CALM3: variants seen among roughly 807,000 people sequenced by gnomAD.
The protein encoded by CALM3 is calmodulin-3.
A neutral mutation model predicts 20.1 loss-of-function variants in CALM3; 5 were observed. The ratio of observed to expected loss-of-function variants is 0.25; its 90% CI spans 0.13 to 0.52. CALM3 has a LOEUF of 0.52. Among genes scored for constraint, CALM3 ranks in the 20% least tolerant of loss-of-function variants. The pLI is 0.96. For synonymous variants in CALM3, 69 were observed against 68.1 expected, an observed-to-expected ratio of 1.01 and a Z score of -0.06; for missense variants, 57 against 192.8, an observed-to-expected ratio of 0.30 and a Z score of 4.17.
At chr19:46,604,553 T>G (rs1284239503) in intron 1 of CALM3, among the ~76,000 whole-genome samples, 4 of 151,488 alleles carry the variant, frequency 2.6e-5, no homozygotes, top group Non-Finnish European at 5.9e-5. Flanking sequence ...TTAGGTTTTT[T>G]TTTTTTTTTT....
intron 2 of CALM3, among the ~76,000 whole-genome samples, chr19:46,607,366 G>A (rs1028939468): frequency 9.9e-5 from 15 of 152,258 alleles, no homozygotes; most frequent in Admixed American, 7.2e-4. Flanking sequence ...CCTCACCCCA[G>A]CCCACACCCT....
At position 46,601,347 on chromosome 19, in the gene CALM3, G is replaced by C. The variant is rs1369789952; in HGVS notation, c.-88G>C. 3 of 1,389,886 alleles carry C rather than the reference G, an allele frequency of 2.2e-6. No individual in the cohort carries two copies. The highest frequency in any genetic ancestry group is 1.3e-5 in the South Asian group (1 of 76,700). 86.1% of individuals were successfully genotyped at this position (1,389,886 alleles called of 1,614,324 possible). A position where few individuals can be genotyped will look rare whatever the true frequency, so the allele number is the denominator to read the frequency against. Reference sequence around the variant, plus strand: ...CTGCGGGCAGTGAGTGTGGAGGCGCGGACGCGCGGCGGAGCTGGAACTGCT... The same window carrying C: ...CTGCGGGCAGTGAGTGTGGAGGCGCCGACGCGCGGCGGAGCTGGAACTGCT... On this transcript the variant is annotated 5_prime_UTR_variant, in exon 1 of 6. Coordinates refer to ENST00000291295, the MANE Select transcript of CALM3 (RefSeq NM_005184.4). This position sits in a 1 kb window ranked among gnomAD's most constrained non-coding sequence, Gnocchi z 4.2.
chr19:46,601,178 T>C (rs1300289032), upstream of CALM3: 1 of 460,098 alleles, frequency 2.2e-6, no homozygotes, highest in Non-Finnish European at 3.6e-6. The surrounding 1 kb of genome is among the most constrained non-coding windows in gnomAD (Gnocchi z 4.2). Flanking sequence ...GGCCCGTAGG[T>C]GTGGAGCGGG....
At position 46,608,310 on chromosome 19, in the gene CALM3, C is replaced by CA. The variant is rs749917251; in HGVS notation, c.149dup (p.Asp51GlyfsTer5). 6.2e-7 allele frequency: 1 copy of CA among 1,614,060 alleles called. No individual in the cohort carries two copies. The highest frequency in any genetic ancestry group is 1.3e-5 in the African/African-American group (1 of 74,944). ...ACAGAACCCCACTGAAGCAGAGCTG[C>CA]AGGATATGATCAATGAGGTGGATGC... On this transcript the variant is annotated frameshift_variant, in exon 3 of 6. Coordinates refer to ENST00000291295, the MANE Select transcript of CALM3 (RefSeq NM_005184.4). LOFTEE classifies it high-confidence loss of function. The surrounding 1 kb of genome is among the most constrained non-coding windows in gnomAD (Gnocchi z 5.5).
At position 46,605,715 on chromosome 19, in the gene CALM3, G is replaced by A. The variant is rs1325165329; in HGVS notation, c.4-112G>A. 1.9e-5 allele frequency: 19 copies of A among 1,002,090 alleles called. No homozygotes were observed. The highest frequency in any genetic ancestry group is 1.1e-4 in the Admixed American group (6 of 56,028). The allele number at this position is 1,002,090 out of a possible 1,614,324, so 62.1% of individuals were successfully genotyped here. ...CTGGCATGCTCCTCCCTGGCCCGGC[G>A]GGAATGGCACGTGGAGCTGGCCTCA... On this transcript the variant is annotated intron_variant, in intron 1 of 5. Coordinates refer to ENST00000291295, the MANE Select transcript of CALM3 (RefSeq NM_005184.4). The surrounding 1 kb of genome is among the most constrained non-coding windows in gnomAD (Gnocchi z 4.1).
chr19:46,602,330 T>A, intron 1 of CALM3: 4 of 648,110 alleles, frequency 6.2e-6, no homozygotes, highest in Non-Finnish European at 9.4e-6. Flanking sequence ...AAGACAGAAT[T>A]TTTTTAACGG....
At chr19:46,604,580 A>G (rs1402929787) in intron 1 of CALM3, among the ~76,000 whole-genome samples, 1 of 137,156 alleles carries the variant, frequency 7.3e-6, no homozygotes, top group Non-Finnish European at 1.5e-5. Flanking sequence ...TTTTTAGATC[A>G]GTGATTGTTA....
In CALM3 at chr19:46,608,840, C is replaced by A; in HGVS notation, c.286-6C>A. The A allele has an allele frequency of 1.9e-6, 3 of 1,544,656 alleles. No individual in the cohort carries two copies. Among genetic ancestry groups the A allele is most frequent in the Non-Finnish European group, 2.6e-6 (3 of 1,147,908 alleles). On this transcript the variant is annotated splice_polypyrimidine_tract_variant and splice_region_variant and intron_variant, in intron 4 of 5. Transcript: ENST00000291295. The surrounding 1 kb of genome is among the most constrained non-coding windows in gnomAD (Gnocchi z 5.5). ...CCCAGTGAAAGGCTTTATCCCCAAC[C>A]CCCAGGATGGGAATGGCTACATCAG... is the stretch of plus-strand genomic sequence containing the variant.
chr19:46,608,351 C>A lies in CALM3; in HGVS notation c.178+11C>A, dbSNP rs1345126051. 1 of 1,613,716 alleles carries A rather than the reference C, an allele frequency of 6.2e-7. No individual in the cohort carries two copies. Among genetic ancestry groups the A allele is most frequent in the Admixed American group, 1.7e-5 (1 of 59,994 alleles). ...AGGTGGATGCAGATGGTGAGCCCCACAGAGCGCGTGGGCAGCCCTGCTCCT... is the reference window on the plus strand; with the variant it reads ...AGGTGGATGCAGATGGTGAGCCCCAAAGAGCGCGTGGGCAGCCCTGCTCCT... On this transcript the variant is annotated intron_variant, in intron 3 of 5. Coordinates refer to ENST00000291295, the MANE Select transcript of CALM3 (RefSeq NM_005184.4). The surrounding 1 kb of genome is among the most constrained non-coding windows in gnomAD (Gnocchi z 5.5).
chr19:46,609,581 C>T lies in CALM3; in HGVS notation c.*428C>T, dbSNP rs3729764. On this transcript the variant is annotated 3_prime_UTR_variant, in exon 6 of 6. Coordinates refer to ENST00000291295, the MANE Select transcript of CALM3 (RefSeq NM_005184.4). Reference sequence around the variant, plus strand: ...CCTGCTGGGAGGGACAAGAGGCCCTCCCCCAGGCAGAAGAGCATGCCCTTT... The same window carrying T: ...CCTGCTGGGAGGGACAAGAGGCCCTTCCCCAGGCAGAAGAGCATGCCCTTT... The T allele has an allele frequency of 0.017, 3,344 of 193,678 alleles. 42 individuals carry two copies. Among genetic ancestry groups the T allele is most frequent in the Non-Finnish European group, 0.027 (2,496 of 93,992 alleles). The allele number at this position is 193,678 out of a possible 1,614,324, so 12.0% of individuals were successfully genotyped here.
chr19:46,608,885 G>T lies in CALM3; in HGVS notation c.325G>T (p.Val109Leu). The change falls in exon 5 of 6, where the codon GTA becomes TTA. Residue 109 changes from valine (V) to leucine (L), a missense_variant. Coordinates refer to ENST00000291295, the MANE Select transcript of CALM3 (RefSeq NM_005184.4). This position sits in a 1 kb window ranked among gnomAD's most constrained non-coding sequence, Gnocchi z 5.5. Reference sequence around the variant, plus strand: ...CATCAGCGCCGCAGAGCTGCGTCACGTAATGACGAACCTGGGGGAGAAGCT... The same window carrying T: ...CATCAGCGCCGCAGAGCTGCGTCACTTAATGACGAACCTGGGGGAGAAGCT... ...GYISAAELRH[V>L]MTNLGEKLTD... 6.2e-7 allele frequency: 1 copy of T among 1,601,100 alleles called. No homozygotes were observed. The highest frequency in any genetic ancestry group is 8.5e-7 in the Non-Finnish European group (1 of 1,173,926).
At chr19:46,606,274 C>T (rs1484962589) in intron 2 of CALM3, 2 of 183,360 alleles carry the variant, frequency 1.1e-5, no homozygotes, top group South Asian at 1.1e-4. Context: ...CCCACCTCTG[C>T]GCTTGCCTGC....
At chr19:46,607,682 G>A (rs1053022442) in intron 2 of CALM3, among the ~76,000 whole-genome samples, 1 of 152,208 alleles carries the variant, frequency 6.6e-6, no homozygotes, top group African/African-American at 2.4e-5. Flanking sequence ...TAGCACCCAC[G>A]GCAAGGAACA....
chr19:46,608,777 C>T lies in CALM3; in HGVS notation c.286-69C>T. The T allele has an allele frequency of 6.7e-7, 1 of 1,482,816 alleles. No homozygotes were observed. The highest frequency in any genetic ancestry group is 9.1e-7 in the Non-Finnish European group (1 of 1,103,602). 91.9% of individuals were successfully genotyped at this position (1,482,816 alleles called of 1,614,324 possible). On this transcript the variant is annotated intron_variant, in intron 4 of 5. Coordinates refer to ENST00000291295, the MANE Select transcript of CALM3 (RefSeq NM_005184.4). The surrounding 1 kb of genome is among the most constrained non-coding windows in gnomAD (Gnocchi z 5.5). ...ACTGCTGAGGGATGGTGATGACAGC[C>T]ACCCCTCTCACTGCCTCTCTCCCCA...
Position 46,608,465 on chromosome 19 carries a change from C to CT in CALM3, c.179-14dup, listed in dbSNP as rs577585466. 1 of 1,612,112 alleles carries CT rather than the reference C, an allele frequency of 6.2e-7. No individual in the cohort carries two copies. The highest frequency in any genetic ancestry group is 8.5e-7 in the Non-Finnish European group (1 of 1,178,244). ...GCCCAGGCCAAGAGCATTCTCCATCCTTTCCCCACCTTCCAGGGAACGGGA... is the reference window on the plus strand; with the variant it reads ...GCCCAGGCCAAGAGCATTCTCCATCCTTTTCCCCACCTTCCAGGGAACGGGA... On this transcript the variant is annotated splice_polypyrimidine_tract_variant and intron_variant, in intron 3 of 5. Coordinates refer to ENST00000291295, the MANE Select transcript of CALM3 (RefSeq NM_005184.4). This position sits in a 1 kb window ranked among gnomAD's most constrained non-coding sequence, Gnocchi z 5.5.
chr19:46,608,403 C>T lies in CALM3; in HGVS notation c.178+63C>T. ...GTCACCCCGAGTGACTGCAGGGAGC[C>T]TCTCTCAGGGTGATGGATGAGCCCG... On this transcript the variant is annotated intron_variant, in intron 3 of 5. Transcript: ENST00000291295. The surrounding 1 kb of genome is among the most constrained non-coding windows in gnomAD (Gnocchi z 5.5). The T allele has an allele frequency of 6.2e-7, 1 of 1,609,054 alleles. No homozygotes were observed. Among genetic ancestry groups the T allele is most frequent in the East Asian group, 2.2e-5 (1 of 44,832 alleles).
At position 46,609,217 on chromosome 19, in the gene CALM3, C is replaced by T. The variant is rs186233475; in HGVS notation, c.*64C>T. 7 of 1,444,090 alleles carry T rather than the reference C, an allele frequency of 4.8e-6. No individual in the cohort carries two copies. The African/African-American group carries it at 8.4e-5, about 17-fold the overall frequency. The allele number at this position is 1,444,090 out of a possible 1,614,324, so 89.5% of individuals were successfully genotyped here. ...CTCTCTCTTCTCGCGCGCGCACTCT[C>T]TCTTCAACACTCCCCTGCGTACCCC... is the stretch of plus-strand genomic sequence containing the variant. On this transcript the variant is annotated 3_prime_UTR_variant, in exon 6 of 6. Transcript: ENST00000291295.
chr19:46,601,144 CA>C (rs1482180990), upstream of CALM3: 1 of 656,880 alleles, frequency 1.5e-6, no homozygotes, highest in African/African-American at 1.9e-5. The surrounding 1 kb of genome is among the most constrained non-coding windows in gnomAD (Gnocchi z 4.2). Flanking sequence ...AATTCCTGTG[CA>C]GGGTGGGGAC....
In CALM3 at chr19:46,608,183, C is replaced by T. The variant is rs370430097; in HGVS notation, c.35-14C>T. On this transcript the variant is annotated splice_polypyrimidine_tract_variant and intron_variant, in intron 2 of 5. Transcript: ENST00000291295. This position sits in a 1 kb window ranked among gnomAD's most constrained non-coding sequence, Gnocchi z 5.5. ...GACCTTGTGACCTCTGACTCCTCCC[C>T]CTTCTTCCCCCAGAGTTCAAGGAGG... The T allele has an allele frequency of 9.9e-6, 16 of 1,611,868 alleles. No homozygotes were observed. Among genetic ancestry groups the T allele is most frequent in the African/African-American group, 9.3e-5 (7 of 75,032 alleles).
Sources: allele counts gnomAD v4.1 joint callset (sites outside exome capture counted in the v4.1 genomes callset), GRCh38; gene constraint gnomAD v4.1.1; non-coding constraint Gnocchi (gnomAD v3.1); transcripts MANE v1.5; gene names NCBI Gene and HGNC (gene_info 2026-07-23, HGNC 2026-07-21).